Variants in PRKCH observed in about 807,000 individuals in gnomAD.
PRKCH encodes protein kinase C eta type.
PRKCH carries 28 observed loss-of-function variants against 82.5 expected under a neutral mutation model. That is an observed-to-expected ratio of 0.34 (90% CI 0.25 to 0.47). The LOEUF (loss-of-function observed/expected upper bound fraction) is 0.47. PRKCH is among the 20% of genes least tolerant of loss of function. The pLI is 1.00. For synonymous variants in PRKCH, 322 were observed against 327.4 expected (o/e 0.98, Z 0.18); for missense variants, 705 against 881.8 (o/e 0.80, Z 2.54).
chr14:61,542,296 A>AC (rs2043197988), intron 12 of PRKCH, among the ~76,000 whole-genome samples: 1 of 152,096 alleles, frequency 6.6e-6, no homozygotes, highest in African/African-American at 2.4e-5. Flanking sequence ...CCATATCAAA[A>AC]AAAAACAAAA....
At chr14:61,455,571 G>A (rs749558473) in intron 7 of PRKCH, among the ~76,000 whole-genome samples, 1 of 152,200 alleles carries the variant, frequency 6.6e-6, no homozygotes, top group Non-Finnish European at 1.5e-5. Context: ...GCTAATGCAT[G>A]GGACAGTTAT....
Position 61,453,034 on chromosome 14 carries a change from T to C in PRKCH, c.833-192T>C, listed in dbSNP as rs1025822722. 6 of 646,542 alleles carry C rather than the reference T, an allele frequency of 9.3e-6. No homozygotes were observed. In the African/African-American group the frequency reaches 1.1e-4, roughly 12 times the overall value. The allele number at this position is 646,542 out of a possible 1,614,324, so 40.1% of individuals were successfully genotyped here. A position where few individuals can be genotyped will look rare whatever the true frequency, so the allele number is the denominator to read the frequency against. ...TCTTTAGTATGCTTGCCTTTCTGCT[T>C]CTGCAGAAAACAGAAATAGATAAAA... is the stretch of plus-strand genomic sequence containing the variant. On this transcript the variant is annotated intron_variant, in intron 6 of 13. Transcript: ENST00000332981.
chr14:61,227,317 G>A (rs995457314), intron 1 of PRKCH, among the ~76,000 whole-genome samples: 2 of 152,308 alleles, frequency 1.3e-5, no homozygotes, highest in Admixed American at 6.5e-5. Flanking sequence ...TGTTGTGGCT[G>A]GGCGCGGTGG....
chr14:61,246,006 G>C (rs1000012142), intron 1 of PRKCH, among the ~76,000 whole-genome samples: 20 of 152,142 alleles, frequency 1.3e-4, no homozygotes, highest in Admixed American at 6.5e-5. Flanking sequence ...GGTGAGACCT[G>C]ATATAAGACC....
At chr14:61,350,434 G>A (rs964430745) in intron 1 of PRKCH, among the ~76,000 whole-genome samples, 1 of 152,138 alleles carries the variant, frequency 6.6e-6, no homozygotes, top group Admixed American at 6.5e-5. Flanking sequence ...TAGAAAATAA[G>A]AATTACTTTT....
At position 61,508,147 on chromosome 14, in the gene PRKCH, AACATGGCAATTG is replaced by A. The variant is rs550893777; in HGVS notation, c.1434-20910_1434-20899del. Among the ~76,000 whole-genome samples the A allele has an allele frequency of 3.3e-3, 502 of 152,208 alleles. 6 individuals are homozygous for A. The highest frequency in any genetic ancestry group is 0.011 in the African/African-American group (461 of 41,488). On this transcript the variant is annotated intron_variant, in intron 10 of 13. Transcript: ENST00000332981. ...TCTTCCCTTTGGTCCCCCAGCCTTT[AACATGGCAATTG>A]ACATGGCAATTGACATGATAAAAGC... is the stretch of plus-strand genomic sequence containing the variant.
In PRKCH at chr14:61,518,987, A is replaced by T. The variant is rs532601083; in HGVS notation, c.1434-10088A>T. ...GCCACCATACCTGGCTAAGTTTTTTAAAAAATTTTGTATAGCTGGACACAA... is the reference window on the plus strand; with the variant it reads ...GCCACCATACCTGGCTAAGTTTTTTTAAAAATTTTGTATAGCTGGACACAA... On this transcript the variant is annotated intron_variant, in intron 10 of 13. Coordinates refer to ENST00000332981, the MANE Select transcript of PRKCH (RefSeq NM_006255.5). 4.5e-4 allele frequency among the ~76,000 whole-genome samples: 68 copies of T among 152,132 alleles called. 2 individuals carry two copies. In the South Asian group the frequency reaches 0.012, roughly 28 times the overall value.
At chr14:61,382,048 C>T (rs139025276) in intron 1 of PRKCH, among the ~76,000 whole-genome samples, 71 of 152,326 alleles carry the variant, frequency 4.7e-4, no homozygotes, top group African/African-American at 1.7e-3. Context: ...TAGTACTTCA[C>T]TCTGCAAGCG....
At chr14:61,248,868 C>G (rs1482053733) in intron 1 of PRKCH, among the ~76,000 whole-genome samples, 1 of 152,086 alleles carries the variant, frequency 6.6e-6, no homozygotes, top group Non-Finnish European at 1.5e-5. Context: ...GTGGCTTGAT[C>G]TCGGGTCACT....
Position 61,366,008 on chromosome 14 carries a change from G to T in PRKCH, c.364-25217G>T, listed in dbSNP as rs183222243. On this transcript the variant is annotated intron_variant, in intron 1 of 13. Coordinates refer to ENST00000332981, the MANE Select transcript of PRKCH (RefSeq NM_006255.5). ...GAGGAACTGAAACTTGGGAATGACTGAAGCCTTGTTCTACCACTTATGCCT... is the reference window on the plus strand; with the variant it reads ...GAGGAACTGAAACTTGGGAATGACTTAAGCCTTGTTCTACCACTTATGCCT... Among the ~76,000 whole-genome samples the T allele has an allele frequency of 2.5e-4, 38 of 152,154 alleles. 1 individual carries two copies. The highest frequency in any genetic ancestry group is 2.5e-3 in the Admixed American group (38 of 15,298).
rs772568306 is a variant in PRKCH at position 61,321,986 on chromosome 14, T to C, written c.-116T>C. On this transcript the variant is annotated 5_prime_UTR_variant, in exon 1 of 14. Coordinates refer to ENST00000332981, the MANE Select transcript of PRKCH (RefSeq NM_006255.5). The surrounding 1 kb of genome is among the most constrained non-coding windows in gnomAD (Gnocchi z 4.1). The stretch of plus-strand genomic sequence containing the variant: ...GTCGAGGGGCGCTTAGGCGCTGCCT[T>C]TCCCCAGGGCTGCCTCGACTCCTGC... 2.2e-4 allele frequency: 260 copies of C among 1,184,346 alleles called. No homozygotes were observed. Among genetic ancestry groups the C allele is most frequent in the Non-Finnish European group, 2.5e-4 (218 of 868,464 alleles). 73.4% of individuals were successfully genotyped at this position (1,184,346 alleles called of 1,614,324 possible). A position where few individuals can be genotyped will look rare whatever the true frequency, so the allele number is the denominator to read the frequency against.
intron 2 of PRKCH, among the ~76,000 whole-genome samples, chr14:61,406,712 G>A (rs535587290): frequency 8.5e-5 from 13 of 152,284 alleles, no homozygotes; most frequent in Admixed American, 8.5e-4. Context: ...AACCAAGAAT[G>A]GATCACATAA....
At chr14:61,267,831 TA>T (rs1258021145) in intron 1 of PRKCH, among the ~76,000 whole-genome samples, 1 of 152,166 alleles carries the variant, frequency 6.6e-6, no homozygotes, top group East Asian at 1.9e-4. Flanking sequence ...ACCATTACGT[TA>T]TGTACCACTA....
chr14:61,400,527 G>C (rs1030971128), intron 2 of PRKCH, among the ~76,000 whole-genome samples: 1 of 152,146 alleles, frequency 6.6e-6, no homozygotes, highest in Non-Finnish European at 1.5e-5. Context: ...TGGGAGAATA[G>C]GAACTGGAAA....
intron 9 of PRKCH, among the ~76,000 whole-genome samples, chr14:61,478,421 A>T (rs1885823836): frequency 6.6e-6 from 1 of 152,106 alleles, no homozygotes; most frequent in Non-Finnish European, 1.5e-5. Flanking sequence ...TATATAATGT[A>T]GTGGTACCAA....
chr14:61,277,118 G>A (rs959113527), intron 1 of PRKCH, among the ~76,000 whole-genome samples: 13 of 152,146 alleles, frequency 8.5e-5, no homozygotes, highest in South Asian at 2.1e-4. Context: ...CCCAGGAAGC[G>A]GAGGTTGCAG....
At chr14:61,384,442 G>A (rs538447527) in intron 1 of PRKCH, among the ~76,000 whole-genome samples, 90 of 150,842 alleles carry the variant, frequency 6.0e-4, no homozygotes, top group Non-Finnish European at 1.0e-3. Context: ...TGGGGTCTGG[G>A]AATCTTATAT....
intron 9 of PRKCH, among the ~76,000 whole-genome samples, chr14:61,473,374 G>T (rs142843833): frequency 6.6e-6 from 1 of 152,168 alleles, no homozygotes; most frequent in Non-Finnish European, 1.5e-5. Flanking sequence ...ATGTTAGAAG[G>T]CTCTCTCTGG....
chr14:61,226,729 G>A (rs2044699043), intron 1 of PRKCH, among the ~76,000 whole-genome samples: 1 of 152,172 alleles, frequency 6.6e-6, no homozygotes, highest in Non-Finnish European at 1.5e-5. Context: ...GCAAACATTT[G>A]AGCATTCAGT....
Sources: gnomAD v4.1 joint callset for allele counts (sites outside exome capture counted in the v4.1 genomes callset) on GRCh38, gnomAD v4.1.1 for gene constraint, Gnocchi (gnomAD v3.1) non-coding constraint, MANE v1.5 for transcripts, NCBI Gene and HGNC (gene_info 2026-07-23, HGNC 2026-07-21) for gene names.